Variants in GRIK2 observed in about 807,000 individuals in gnomAD.
GRIK2 encodes the protein glutamate ionotropic receptor kainate type subunit 2, also known as glutamate receptor ionotropic, kainate 2.
Under a neutral mutation model 100.3 loss-of-function variants are expected in GRIK2, and 32 were observed. That is an observed-to-expected ratio of 0.32 (90% confidence interval 0.24 to 0.43). GRIK2 has a LOEUF of 0.43. Ranked by LOEUF, GRIK2 falls within the 20% of genes least tolerant of loss-of-function variation. The pLI is 1.00. For missense variants in GRIK2, 843 were observed against 1,114.9 expected, an observed-to-expected ratio of 0.76 and a Z score of 3.47; for synonymous variants, 417 against 389.4, an observed-to-expected ratio of 1.07 and a Z score of -0.83.
At chr6:101,601,008 C>G (rs1255249434) in intron 2 of GRIK2, among the ~76,000 whole-genome samples, 3 of 151,462 alleles carry the variant, frequency 2.0e-5, no homozygotes, top group Non-Finnish European at 2.9e-5. Flanking sequence ...TTCTTCAGTT[C>G]TTATGGGGAA....
At chr6:101,611,483 CA>C (rs1779673018) in intron 2 of GRIK2, among the ~76,000 whole-genome samples, 1 of 151,790 alleles carries the variant, frequency 6.6e-6, no homozygotes, top group Non-Finnish European at 1.5e-5. Flanking sequence ...TCATTGGTTA[CA>C]TATTTGTATA....
intron 11 of GRIK2, among the ~76,000 whole-genome samples, chr6:101,873,693 C>G (rs1472412769): frequency 2.0e-5 from 3 of 151,958 alleles, no homozygotes; most frequent in Admixed American, 2.0e-4. Flanking sequence ...AATGGTTGAA[C>G]TAGTTTACAG....
intron 14 of GRIK2, chr6:101,993,156 ATTCTTCTTCTGCTTTC>A (rs1426834875): frequency 6.6e-6 from 1 of 151,120 alleles, no homozygotes; most frequent in Non-Finnish European, 1.5e-5. Context: ...TACTCTACAT[ATTCTTCTTCTGCTTTC>A]TAGCAGAAGA....
chr6:101,732,845 GC>G (rs957666571), intron 7 of GRIK2, among the ~76,000 whole-genome samples: 19 of 151,874 alleles, frequency 1.3e-4, no homozygotes, highest in Admixed American at 8.5e-4. Context: ...CCCACTCCTT[GC>G]TTTCTTCTTG....
At chr6:101,777,147 T>A (rs1343656742) in intron 7 of GRIK2, among the ~76,000 whole-genome samples, 1 of 152,198 alleles carries the variant, frequency 6.6e-6, no homozygotes, top group African/African-American at 2.4e-5. Context: ...AGAGAAAGCA[T>A]AATGGCAGCT....
At chr6:101,464,572 A>G (rs1446831644) in intron 2 of GRIK2, among the ~76,000 whole-genome samples, 1 of 117,118 alleles carries the variant, frequency 8.5e-6, no homozygotes, top group Non-Finnish European at 1.6e-5. Flanking sequence ...GCTGGAGTGC[A>G]GTGGCACCAT....
At chr6:101,758,616 A>G (rs908580712) in intron 7 of GRIK2, among the ~76,000 whole-genome samples, 1 of 152,222 alleles carries the variant, frequency 6.6e-6, no homozygotes, top group African/African-American at 2.4e-5. Context: ...TAAGAATACA[A>G]TGTAATTTAA....
intron 2 of GRIK2, among the ~76,000 whole-genome samples, chr6:101,549,919 A>C (rs1190205010): frequency 6.6e-6 from 1 of 152,132 alleles, no homozygotes; most frequent in Non-Finnish European, 1.5e-5. Flanking sequence ...TTCTGAAGCT[A>C]CTCACAAAGT....
chr6:101,764,657 ATTAT>A lies in GRIK2; in HGVS notation c.952-34988_952-34985del, dbSNP rs1777933719. Among the ~76,000 whole-genome samples, 8 of 152,100 alleles carry A rather than the reference ATTAT, an allele frequency of 5.3e-5. No homozygotes were observed. The South Asian group carries it at 1.7e-3, about 32-fold the overall frequency. ...CCTTCTCTTCATTATCATCATTGTT[ATTAT>A]TTTAAAGTTGAGGTCTCACCCTGTT... On this transcript the variant is annotated intron_variant, in intron 7 of 16. Transcript: ENST00000369134.
intron 15 of GRIK2, among the ~76,000 whole-genome samples, chr6:102,038,651 A>G (rs1770406291): frequency 7.2e-6 from 1 of 138,280 alleles, no homozygotes; most frequent in African/African-American, 2.6e-5. Context: ...TTAATTATAA[A>G]CAACAACAAA....
chr6:101,595,066 G>A (rs1778847308), intron 2 of GRIK2, among the ~76,000 whole-genome samples: 1 of 151,300 alleles, frequency 6.6e-6, no homozygotes, highest in Non-Finnish European at 1.5e-5. Context: ...ACCTCAAGTA[G>A]GCATTCATAG....
At chr6:101,837,337 T>G (rs1387820387) in intron 10 of GRIK2, among the ~76,000 whole-genome samples, 2 of 152,148 alleles carry the variant, frequency 1.3e-5, no homozygotes, top group African/African-American at 4.8e-5. Context: ...ATGATGAGTA[T>G]TGCTAATGAT....
At chr6:101,507,537 C>A (rs1774087375) in intron 2 of GRIK2, among the ~76,000 whole-genome samples, 1 of 151,884 alleles carries the variant, frequency 6.6e-6, no homozygotes, top group Non-Finnish European at 1.5e-5. Context: ...AAAAGATGAA[C>A]ATATAGTTTA....
At position 102,013,801 on chromosome 6, in the gene GRIK2, G is replaced by C. The variant is rs890516470; in HGVS notation, c.2086-21540G>C. ...ATGCCTACTTGATTGTGGTGGATTT[G>C]TTTTTGATGTGCTGCTAGATTCAAT... is the stretch of plus-strand genomic sequence containing the variant. On this transcript the variant is annotated intron_variant, in intron 14 of 16. Coordinates refer to ENST00000369134, the MANE Select transcript of GRIK2 (RefSeq NM_021956.5). 3.9e-5 allele frequency among the ~76,000 whole-genome samples: 6 copies of C among 152,118 alleles called. No individual in the cohort carries two copies. The East Asian group carries it at 7.7e-4, about 20-fold the overall frequency.
intron 2 of GRIK2, among the ~76,000 whole-genome samples, chr6:101,585,524 A>G (rs1053594977): frequency 5.9e-5 from 9 of 152,108 alleles, no homozygotes; most frequent in African/African-American, 2.2e-4. Flanking sequence ...TACAATACAA[A>G]TAAAAAGGTA....
Position 102,068,614 on chromosome 6 carries a change from G to A in GRIK2, c.*103G>A, listed in dbSNP as rs561557569. ...ATGCAACCTGTGCAAAATAAAATGA[G>A]TTACCTCATGCCGCTGTGTCTATGA... On this transcript the variant is annotated 3_prime_UTR_variant, in exon 17 of 17. Coordinates refer to ENST00000369134, the MANE Select transcript of GRIK2 (RefSeq NM_021956.5). The A allele has an allele frequency of 2.1e-5, 19 of 907,146 alleles. No homozygotes were observed. The African/African-American group carries it at 2.8e-4, about 14-fold the overall frequency. The allele number at this position is 907,146 out of a possible 1,614,324, so 56.2% of individuals were successfully genotyped here.
At chr6:101,395,031 C>T (rs1774950638) in intron 1 of GRIK2, among the ~76,000 whole-genome samples, 1 of 152,030 alleles carries the variant, frequency 6.6e-6, no homozygotes, top group African/African-American at 2.4e-5. Context: ...AAAAATTAAT[C>T]AAAACTCTAA....
chr6:101,675,385 T>C (rs1255690728), intron 4 of GRIK2, among the ~76,000 whole-genome samples: 1 of 152,084 alleles, frequency 6.6e-6, no homozygotes, highest in African/African-American at 2.4e-5. Context: ...AATATTTTGC[T>C]TTATCATTGT....
chr6:101,702,481 T>C (rs1366128771), intron 7 of GRIK2, among the ~76,000 whole-genome samples: 1 of 152,048 alleles, frequency 6.6e-6, no homozygotes, highest in Non-Finnish European at 1.5e-5. Context: ...TAATAAATTT[T>C]CTGTGCCCTT....
Sources: allele counts gnomAD v4.1 joint callset (sites outside exome capture counted in the v4.1 genomes callset), GRCh38; gene constraint gnomAD v4.1.1; transcripts MANE v1.5; gene names NCBI Gene and HGNC (gene_info 2026-07-23, HGNC 2026-07-21).